The following UBQLN1 variants were observed in gnomAD, a reference collection of about 807,000 sequenced individuals.
UBQLN1 encodes ubiquilin 1, also known as ubiquilin-1.
UBQLN1 carries 13 observed loss-of-function variants against 65.4 expected under a neutral mutation model. The observed-to-expected ratio is 0.20, with a 90% CI of 0.13 to 0.32. The LOEUF (loss-of-function observed/expected upper bound fraction) is 0.32. Among genes scored for constraint, UBQLN1 ranks in the 10% least tolerant of loss-of-function variants. The pLI is 1.00. For synonymous variants in UBQLN1, 267 were observed against 247.8 expected (o/e 1.08, Z -0.73); for missense variants, 561 against 724.0 (o/e 0.77, Z 2.58).
chr9:83,703,581 A>G (rs72746882), intron 1 of UBQLN1, among the ~76,000 whole-genome samples: 21,205 of 152,188 alleles, frequency 0.14, 1,729 homozygotes, highest in Middle Eastern at 0.26. Flanking sequence ...ATTTCCCATA[A>G]GGGATACTCA....
intron 1 of UBQLN1, among the ~76,000 whole-genome samples, chr9:83,688,808 C>CCT: frequency 6.6e-6 from 1 of 152,028 alleles, no homozygotes; most frequent in Middle Eastern, 3.4e-3. Flanking sequence ...TTGCAGTGAG[C>CCT]CGAGATTGCA....
At chr9:83,684,019 AAAACAAAC>A (rs569457776) in intron 2 of UBQLN1, among the ~76,000 whole-genome samples, 1 of 151,854 alleles carries the variant, frequency 6.6e-6, no homozygotes, top group East Asian at 2.0e-4. Flanking sequence ...AGACTCTTGA[AAAACAAAC>A]AAACAAACAA....
intron 1 of UBQLN1, among the ~76,000 whole-genome samples, chr9:83,691,946 A>G (rs1243553909): frequency 6.6e-6 from 1 of 152,230 alleles, no homozygotes; most frequent in African/African-American, 2.4e-5. Flanking sequence ...TTCAGTTCTT[A>G]TTTTAAATTT....
intron 1 of UBQLN1, among the ~76,000 whole-genome samples, chr9:83,703,890 A>C (rs1261420076): frequency 1.1e-4 from 17 of 152,212 alleles, no homozygotes; most frequent in Non-Finnish European, 1.5e-5. Context: ...AAATAGGAAA[A>C]TAAATTACCA....
Position 83,660,306 on chromosome 9 carries a change from C to T in UBQLN1, c.*1481G>A, listed in dbSNP as rs1391338040. 6.6e-6 allele frequency: 1 copy of T among 152,606 alleles called. No individual in the cohort carries two copies. Among genetic ancestry groups the T allele is most frequent in the Non-Finnish European group, 1.5e-5 (1 of 68,028 alleles). 9.5% of individuals were successfully genotyped at this position (152,606 alleles called of 1,614,324 possible). A position where few individuals can be genotyped will look rare whatever the true frequency, so the allele number is the denominator to read the frequency against. The stretch of plus-strand genomic sequence containing the variant: ...TCCCTTGATTTTATTGGTCTGAATT[C>T]ATTTTAGGTTACTTTAACATTTTAA... On this transcript the variant is annotated 3_prime_UTR_variant, in exon 11 of 11. Transcript: ENST00000376395.
chr9:83,705,245 C>CTTTTTTTTTTTT (rs1564175219), intron 1 of UBQLN1, among the ~76,000 whole-genome samples: 2 of 40,044 alleles, frequency 5.0e-5, no homozygotes, highest in African/African-American at 2.1e-4. Flanking sequence ...AGCCAGCACT[C>CTTTTTTTTTTTT]CTTTTTTTTT....
In UBQLN1 at chr9:83,707,870, G is replaced by A. The variant is rs1048877374; in HGVS notation, c.-191C>T. ...GGAGCTCGGTGCAGGCTCTGGCGCAGGCCCGGGTCAGGCGCTCGGCAGCCG... is the reference window on the plus strand; with the variant it reads ...GGAGCTCGGTGCAGGCTCTGGCGCAAGCCCGGGTCAGGCGCTCGGCAGCCG... On this transcript the variant is annotated 5_prime_UTR_variant, in exon 1 of 11. Coordinates refer to ENST00000376395, the MANE Select transcript of UBQLN1 (RefSeq NM_013438.5). 1.2e-6 allele frequency: 1 copy of A among 810,522 alleles called. No homozygotes were observed. Among genetic ancestry groups the A allele is most frequent in the African/African-American group, 1.8e-5 (1 of 54,572 alleles). 50.2% of individuals were successfully genotyped at this position (810,522 alleles called of 1,614,324 possible). A position where few individuals can be genotyped will look rare whatever the true frequency, so the allele number is the denominator to read the frequency against.
intron 6 of UBQLN1, among the ~76,000 whole-genome samples, chr9:83,675,763 T>A (rs894605453): frequency 6.6e-6 from 1 of 152,194 alleles, no homozygotes; most frequent in African/African-American, 2.4e-5. Context: ...AGTACGTATT[T>A]TGAATAAGTC....
At chr9:83,683,414 C>CAAA (rs766459859) in intron 2 of UBQLN1, among the ~76,000 whole-genome samples, 1,315 of 70,042 alleles carry the variant, frequency 0.019, 43 homozygotes, top group Admixed American at 0.026. Flanking sequence ...GACTCCGTCT[C>CAAA]AAAAAAAAAA....
rs925217581 is a variant in UBQLN1 at position 83,667,448 on chromosome 9, C to A, written c.1249-1015G>T. The A allele has an allele frequency of 8.2e-6, 8 of 976,966 alleles. No individual in the cohort carries two copies. In the African/African-American group the frequency reaches 8.8e-5, roughly 11 times the overall value. The allele number at this position is 976,966 out of a possible 1,614,324, so 60.5% of individuals were successfully genotyped here. A position where few individuals can be genotyped will look rare whatever the true frequency, so the allele number is the denominator to read the frequency against. On this transcript the variant is annotated intron_variant, in intron 7 of 10. Transcript: ENST00000376395. ...CTGGTAGAGAAAATTCGCCCCAATTCTTGCAAAGTGATCTTTTAGTTAATT... is the reference window on the plus strand; with the variant it reads ...CTGGTAGAGAAAATTCGCCCCAATTATTGCAAAGTGATCTTTTAGTTAATT...
At chr9:83,707,412 T>A in intron 1 of UBQLN1, 88 bp downstream of exon 1, 1 of 1,395,400 alleles carries the variant, frequency 7.2e-7, no homozygotes, top group Non-Finnish European at 9.6e-7. Flanking sequence ...ACGACCCCTC[T>A]CCCAGGCCCT....
intron 2 of UBQLN1, among the ~76,000 whole-genome samples, chr9:83,685,637 C>T (rs1832028180): frequency 6.7e-6 from 1 of 149,602 alleles, no homozygotes; most frequent in Non-Finnish European, 1.5e-5. Flanking sequence ...AAAAAAAGTT[C>T]CTTAGACTTA....
intron 1 of UBQLN1, among the ~76,000 whole-genome samples, chr9:83,690,707 T>G (rs1475930405): frequency 6.7e-6 from 1 of 148,244 alleles, no homozygotes; most frequent in African/African-American, 2.5e-5. Flanking sequence ...GCACTCCAGC[T>G]TGGTCAACAG....
intron 1 of UBQLN1, among the ~76,000 whole-genome samples, chr9:83,700,621 G>A (rs904522511): frequency 6.6e-6 from 1 of 152,136 alleles, no homozygotes; most frequent in African/African-American, 2.4e-5. Flanking sequence ...ATACTACCTG[G>A]AGAAACTGAC....
Position 83,678,452 on chromosome 9 carries a change from C to T in UBQLN1, c.859G>A (p.Ala287Thr). Reference protein sequence around the residue: ...TDIQEPMLSAAQEQFGGNPFA... With the variant: ...TDIQEPMLSATQEQFGGNPFA... ...AGCCAGTGGATCACCTGCTCTTGTG[C>T]AGCACTCAGCATTGGTTCCTGAATA... The change falls in exon 5 of 11, where the codon GCA (alanine) becomes ACA (threonine). Residue 287 changes from alanine to threonine, a missense_variant. Transcript: ENST00000376395. 6.2e-7 allele frequency: 1 copy of T among 1,610,850 alleles called. No homozygotes were observed. Among genetic ancestry groups the T allele is most frequent in the East Asian group, 2.2e-5 (1 of 44,834 alleles).
Position 83,679,974 on chromosome 9 carries a change from A to G in UBQLN1, c.512T>C (p.Leu171Pro). The part of the protein sequence containing the change: ...LGLNTTNFSE[L>P]QSQMQRQLLS... ...AAGTTGTCGCTGCATCTGACTCTGT[A>G]GTTCAGAGAAGTTGGTAGTATTCAA... Residue 171 changes from leucine to proline, a missense_variant, in exon 4 of 11, where the codon CTA (leucine) becomes CCA (proline). Leu to Pro is a moderately conservative substitution (Grantham distance 98). Coordinates refer to ENST00000376395, the MANE Select transcript of UBQLN1 (RefSeq NM_013438.5). The G allele has an allele frequency of 6.2e-7, 1 of 1,614,194 alleles. No individual in the cohort carries two copies. Among genetic ancestry groups the G allele is most frequent in the Non-Finnish European group, 8.5e-7 (1 of 1,180,028 alleles).
intron 1 of UBQLN1, among the ~76,000 whole-genome samples, chr9:83,691,101 G>A (rs1044808059): frequency 6.6e-6 from 1 of 152,000 alleles, no homozygotes; most frequent in Non-Finnish European, 1.5e-5. Flanking sequence ...TCGCGCCACT[G>A]CACTCCAGCC....
chr9:83,685,559 T>A (rs1426050072), intron 2 of UBQLN1, among the ~76,000 whole-genome samples: 1 of 150,664 alleles, frequency 6.6e-6, no homozygotes, highest in African/African-American at 2.5e-5. Context: ...AGTCCCAGGC[T>A]GACATGGGAG....
intron 6 of UBQLN1, among the ~76,000 whole-genome samples, chr9:83,676,928 T>C (rs2131156686): frequency 6.6e-6 from 1 of 152,356 alleles, no homozygotes; most frequent in South Asian, 2.1e-4. Flanking sequence ...GGAAGACATC[T>C]GAGTTCAGTC....
Sources: allele counts gnomAD v4.1 joint callset (sites outside exome capture counted in the v4.1 genomes callset), GRCh38; gene constraint gnomAD v4.1.1; transcripts MANE v1.5; gene names NCBI Gene and HGNC (gene_info 2026-07-23, HGNC 2026-07-21).